Variants in SQSTM1 observed in about 807,000 individuals in gnomAD.
SQSTM1 encodes the protein sequestosome 1, also known as sequestosome-1.
A neutral mutation model predicts 45.1 loss-of-function variants in SQSTM1; 36 were observed. The observed-to-expected ratio is 0.80, with a 90% CI of 0.61 to 1.05. SQSTM1 has a LOEUF of 1.05. Ranked by LOEUF, SQSTM1 falls within the 50% of genes least tolerant of loss-of-function variation. The pLI, the probability that SQSTM1 is intolerant of heterozygous loss-of-function variation, is 0.00. For synonymous variants in SQSTM1, 290 were observed against 244.3 expected (o/e 1.19, Z -1.74); for missense variants, 617 against 607.1 (o/e 1.02, Z -0.17).
chr5:179,810,878 A>G (rs1757373480), intron 1 of SQSTM1, among the ~76,000 whole-genome samples: 1 of 151,824 alleles, frequency 6.6e-6, no homozygotes, highest in Non-Finnish European at 1.5e-5. Context: ...GATGCTGAGC[A>G]TTTTTTCATG....
chr5:179,822,708 C>A, intron 1 of SQSTM1: 6 of 524,724 alleles, frequency 1.1e-5, no homozygotes, highest in South Asian at 7.7e-5. Flanking sequence ...AAGCTGCTGC[C>A]CCTGTGCACA....
intron 1 of SQSTM1, chr5:179,807,608 G>C (rs1420298180): frequency 2.6e-5 from 4 of 152,460 alleles, no homozygotes; most frequent in African/African-American, 7.2e-5. Flanking sequence ...ATTGATGGGG[G>C]CCCACGCCTT....
rs565573036 is a variant in SQSTM1, at chr5:179,835,709, T to TATGTC, written c.1166-726_1166-722dup. On this transcript the variant is annotated intron_variant, in intron 7 of 7. Transcript: ENST00000389805. ...GGGAGAGGGAAAGCTATATCATTCT[T>TATGTC]ATGTCTTTGCATCATCATAGCTTAG... 4.2e-4 allele frequency: 66 copies of TATGTC among 155,742 alleles called. 1 individual carries two copies. The South Asian group carries it at 0.012, about 29-fold the overall frequency. The allele number at this position is 155,742 out of a possible 1,614,324, so 9.6% of individuals were successfully genotyped here.
At chr5:179,810,837 G>C (rs980962912) in intron 1 of SQSTM1, among the ~76,000 whole-genome samples, 1 of 152,044 alleles carries the variant, frequency 6.6e-6, no homozygotes, top group African/African-American at 2.4e-5. Flanking sequence ...ATCTCAATGT[G>C]GTTTTGATTT....
At chr5:179,810,283 G>A (rs570956654) in intron 1 of SQSTM1, among the ~76,000 whole-genome samples, 10 of 151,316 alleles carry the variant, frequency 6.6e-5, no homozygotes, top group Admixed American at 3.3e-4. Flanking sequence ...CCCACCCCAC[G>A]ACAGGCCCCA....
intron 7 of SQSTM1, chr5:179,835,904 C>T (rs1582028452): frequency 4.7e-6 from 1 of 213,246 alleles, no homozygotes; most frequent in East Asian, 1.1e-4. Context: ...TCTTTATCCA[C>T]TCATTGCTTG....
chr5:179,811,280 TG>T (rs1375404120), intron 1 of SQSTM1, among the ~76,000 whole-genome samples: 5 of 147,416 alleles, frequency 3.4e-5, no homozygotes, highest in African/African-American at 1.3e-4. Flanking sequence ...GCCTAAGCAC[TG>T]GAAGAACTGG....
chr5:179,833,827 T>C, intron 7 of SQSTM1, 45 bp downstream of exon 7: 1 of 1,595,006 alleles, frequency 6.3e-7, no homozygotes. Flanking sequence ...CCTTTCCCTT[T>C]AGAGCATCCT....
Position 179,806,830 on chromosome 5 carries a change from A to G in SQSTM1, c.-157+239A>G, listed in dbSNP as rs1484416660. On this transcript the variant is annotated intron_variant, in intron 1 of 5. Transcript: ENST00000514093. This position sits in a 1 kb window ranked among gnomAD's most constrained non-coding sequence, Gnocchi z 4.6. ...CAGGCTCAGAAGGGCAGAGGCAGGT[A>G]TCAGGCTCACTGCAGATATCAGGGG... 6.7e-6 allele frequency: 1 copy of G among 150,014 alleles called. No homozygotes were observed. The highest frequency in any genetic ancestry group is 1.5e-5 in the Non-Finnish European group (1 of 67,540). 9.3% of individuals were successfully genotyped at this position (150,014 alleles called of 1,614,324 possible). A position where few individuals can be genotyped will look rare whatever the true frequency, so the allele number is the denominator to read the frequency against.
At chr5:179,814,488 A>G (rs115341370), upstream of SQSTM1, among the ~76,000 whole-genome samples, 1,820 of 152,164 alleles carry the variant, frequency 0.012, 31 homozygotes, top group African/African-American at 0.039. Flanking sequence ...AACAACCCCA[A>G]ATTTCTCTGA....
chr5:179,810,874 G>C (rs1306322578), intron 1 of SQSTM1, among the ~76,000 whole-genome samples: 1 of 152,038 alleles, frequency 6.6e-6, no homozygotes, highest in Non-Finnish European at 1.5e-5. Context: ...CAGTGATGCT[G>C]AGCATTTTTT....
intron 5 of SQSTM1, among the ~76,000 whole-genome samples, chr5:179,826,051 C>T (rs923318378): frequency 2.6e-5 from 4 of 152,086 alleles, no homozygotes; most frequent in African/African-American, 9.7e-5. Flanking sequence ...CCAGCCTGTC[C>T]AAAGGTTGTG....
chr5:179,833,510 T>C (rs1329732500), intron 6 of SQSTM1, 77 bp from the exon 7 acceptor site: 4 of 1,521,416 alleles, frequency 2.6e-6, no homozygotes, highest in South Asian at 1.1e-5. Flanking sequence ...CCCGACTGTC[T>C]GCCAGGAGCC....
chr5:179,811,379 GCAGGGGGAGGAGCTA>G, intron 1 of SQSTM1, among the ~76,000 whole-genome samples: 1 of 38,952 alleles, frequency 2.6e-5, no homozygotes, highest in East Asian at 1.3e-3. Context: ...GGAGGAGCAT[GCAGGGGGAGGAGCTA>G]TGCAGGGGGA....
chr5:179,806,626 T>A lies in SQSTM1; in HGVS notation c.-157+35T>A. ...GGGCGCCCGCGGGGCCGAGGCTGCA[T>A]GGCCCGGGGGACCGGGGCCGGGGCG... On this transcript the variant is annotated intron_variant, in intron 1 of 5. Transcript: ENST00000514093. The surrounding 1 kb of genome is among the most constrained non-coding windows in gnomAD (Gnocchi z 4.6). 1 of 1,097,060 alleles carries A rather than the reference T, an allele frequency of 9.1e-7. No individual in the cohort carries two copies. Among genetic ancestry groups the A allele is most frequent in the Non-Finnish European group, 1.2e-6 (1 of 866,412 alleles). The allele number at this position is 1,097,060 out of a possible 1,614,324, so 68.0% of individuals were successfully genotyped here.
intron 4 of SQSTM1, among the ~76,000 whole-genome samples, chr5:179,824,742 T>C (rs1483836938): frequency 6.6e-6 from 1 of 152,236 alleles, no homozygotes; most frequent in Non-Finnish European, 1.5e-5. Flanking sequence ...CTTTGTAGTC[T>C]AGATTTTTGG....
chr5:179,833,804 G>C, intron 7 of SQSTM1, 22 bp downstream of exon 7: 1 of 1,613,368 alleles, frequency 6.2e-7, no homozygotes, highest in Non-Finnish European at 8.5e-7. Flanking sequence ...AAGAGGTTTT[G>C]TACATATTCC....
At chr5:179,821,834 G>C (rs1689444110) in intron 1 of SQSTM1, 1 of 284,450 alleles carries the variant, frequency 3.5e-6, no homozygotes, top group Non-Finnish European at 6.9e-6. Context: ...TGGGGTTAGG[G>C]AGGTGGTTGT....
At chr5:179,825,536 G>C (rs1489604293) in intron 5 of SQSTM1, among the ~76,000 whole-genome samples, 2 of 152,188 alleles carry the variant, frequency 1.3e-5, no homozygotes, top group African/African-American at 2.4e-5. Flanking sequence ...CCCTCCTTTG[G>C]ATGAACAATA....
Sources: allele counts gnomAD v4.1 joint callset (sites outside exome capture counted in the v4.1 genomes callset), GRCh38; gene constraint gnomAD v4.1.1; non-coding constraint Gnocchi (gnomAD v3.1); transcripts MANE v1.5; gene names NCBI Gene and HGNC (gene_info 2026-07-23, HGNC 2026-07-21).